Variants in CADPS2 observed in about 807,000 individuals in gnomAD.
CADPS2 encodes calcium dependent secretion activator 2.
In CADPS2, 93 loss-of-function variants were observed where a neutral mutation model predicts 172.5. The observed-to-expected ratio is 0.54, with a 90% CI of 0.46 to 0.64. The LOEUF (loss-of-function observed/expected upper bound fraction) is 0.64, where lower values mean the gene tolerates loss of function less well. Ranked by LOEUF, CADPS2 falls within the 30% of genes least tolerant of loss-of-function variation. The pLI is 0.00. For synonymous variants in CADPS2, 546 were observed against 555.2 expected (o/e 0.98, Z 0.23); for missense variants, 1,420 against 1,565.9 (o/e 0.91, Z 1.57).
intron 7 of CADPS2, among the ~76,000 whole-genome samples, chr7:122,565,662 C>T (rs1250444048): frequency 6.6e-6 from 1 of 152,170 alleles, no homozygotes; most frequent in Non-Finnish European, 1.5e-5. Flanking sequence ...TCTCATACCA[C>T]TGCTAAAGGC....
intron 14 of CADPS2, among the ~76,000 whole-genome samples, chr7:122,453,372 C>T (rs143886158): frequency 6.6e-4 from 101 of 152,066 alleles, no homozygotes; most frequent in African/African-American, 2.3e-3. Context: ...TCCCATTGAG[C>T]GAATGTTAAT....
Position 122,333,014 on chromosome 7 carries a change from T to G in CADPS2, c.3613-7433A>C, listed in dbSNP as rs1020869948. Among the ~76,000 whole-genome samples the G allele has an allele frequency of 5.9e-5, 9 of 152,200 alleles. No individual in the cohort carries two copies. In the East Asian group the frequency reaches 1.7e-3, roughly 29 times the overall value. ...TCTGCCCTCCCTTTCTTAGTGTCCT[T>G]GATGGGATGCATACTGGTTTGCCTA... On this transcript the variant is annotated intron_variant, in intron 28 of 29. Transcript: ENST00000449022.
chr7:122,663,328 A>G lies in CADPS2; in HGVS notation c.695T>C (p.Leu232Pro). 1 of 1,613,990 alleles carries G rather than the reference A, an allele frequency of 6.2e-7. No individual in the cohort carries two copies. The highest frequency in any genetic ancestry group is 8.5e-7 in the Non-Finnish European group (1 of 1,179,876). The change falls in exon 3 of 30, where the codon CTT becomes CCT. Residue 232 changes from leucine (L) to proline (P), a missense_variant. By Grantham distance (98) the Leu-to-Pro change is moderately conservative. Coordinates refer to ENST00000449022, the MANE Select transcript of CADPS2 (RefSeq NM_017954.11). ...NRMALSAVSELILSKEQLYEM... is the reference protein window; with the variant it reads ...NRMALSAVSEPILSKEQLYEM... ...ATAGAGTTGTTCCTTGCTCAGAATA[A>G]GTTCAGACACTGCACTTAGGGCCAT...
intron 6 of CADPS2, among the ~76,000 whole-genome samples, chr7:122,592,079 A>G (rs572034627): frequency 2.6e-5 from 4 of 152,292 alleles, no homozygotes; most frequent in African/African-American, 7.2e-5. Flanking sequence ...AATTTTTGCA[A>G]TCTACTCATC....
chr7:122,561,897 T>C (rs575745583), intron 7 of CADPS2, among the ~76,000 whole-genome samples: 23 of 152,224 alleles, frequency 1.5e-4, no homozygotes, highest in African/African-American at 4.6e-4. Context: ...GGTTGGATGA[T>C]TGGCTGGAAA....
At chr7:122,470,984 G>T (rs2055849887) in intron 14 of CADPS2, among the ~76,000 whole-genome samples, 1 of 152,098 alleles carries the variant, frequency 6.6e-6, no homozygotes, top group African/African-American at 2.4e-5. Flanking sequence ...TTCCACAGAG[G>T]AAAAGCAATG....
chr7:122,389,609 T>C (rs1196090383), intron 22 of CADPS2, among the ~76,000 whole-genome samples: 1 of 152,006 alleles, frequency 6.6e-6, no homozygotes, highest in African/African-American at 2.4e-5. Context: ...TGCAAGTACA[T>C]AGGCTAATAC....
chr7:122,777,961 A>C (rs2093936220), intron 1 of CADPS2, among the ~76,000 whole-genome samples: 1 of 152,186 alleles, frequency 6.6e-6, no homozygotes, highest in Admixed American at 6.5e-5. Context: ...ACTGGGTAAC[A>C]GGCAGAGGTT....
At chr7:122,811,728 A>C (rs1800065124) in intron 1 of CADPS2, among the ~76,000 whole-genome samples, 1 of 152,188 alleles carries the variant, frequency 6.6e-6, no homozygotes, top group African/African-American at 2.4e-5. Flanking sequence ...GGTGCATATT[A>C]GATAAAAGTA....
At position 122,492,679 on chromosome 7, in the gene CADPS2, T is replaced by C. The variant is rs1364963574; in HGVS notation, c.1543-1259A>G. On this transcript the variant is annotated intron_variant, in intron 9 of 29. Transcript: ENST00000449022. ...CCTGCAACACAGGGTCCATGGAAGA[T>C]AGTTTGGTTAGTGTATTTTTTTTCT... 3.3e-5 allele frequency among the ~76,000 whole-genome samples: 5 copies of C among 151,998 alleles called. No homozygotes were observed. The East Asian group carries it at 7.7e-4, about 23-fold the overall frequency.
At chr7:122,656,186 C>T (rs930917454) in intron 3 of CADPS2, among the ~76,000 whole-genome samples, 2 of 152,112 alleles carry the variant, frequency 1.3e-5, no homozygotes, top group African/African-American at 2.4e-5. Context: ...AAGAGGCTCC[C>T]AAACTTTGCT....
chr7:122,319,901 A>C lies in CADPS2; in HGVS notation c.*264T>G. On this transcript the variant is annotated 3_prime_UTR_variant, in exon 30 of 30. Transcript: ENST00000449022. ...CATGTTCTGATCACAAGCAGAGCCAAGGTTCATTTTTAGGTCAAACTACAC... is the reference window on the plus strand; with the variant it reads ...CATGTTCTGATCACAAGCAGAGCCACGGTTCATTTTTAGGTCAAACTACAC... 2.9e-6 allele frequency: 1 copy of C among 344,094 alleles called. No individual in the cohort carries two copies. The highest frequency in any genetic ancestry group is 7.7e-4 in the Middle Eastern group (1 of 1,296). The allele number at this position is 344,094 out of a possible 1,614,324, so 21.3% of individuals were successfully genotyped here. A position where few individuals can be genotyped will look rare whatever the true frequency, so the allele number is the denominator to read the frequency against.
intron 3 of CADPS2, among the ~76,000 whole-genome samples, chr7:122,648,830 C>T (rs186408687): frequency 7.4e-4 from 112 of 152,214 alleles, no homozygotes; most frequent in African/African-American, 2.6e-3. Context: ...AGCCTAAGAA[C>T]TTCATAGGCA....
chr7:122,620,034 G>A (rs2075404070), intron 5 of CADPS2, among the ~76,000 whole-genome samples: 1 of 152,146 alleles, frequency 6.6e-6, no homozygotes, highest in Non-Finnish European at 1.5e-5. Flanking sequence ...ATTTATCTCA[G>A]AGTTAAATAT....
At chr7:122,611,507 A>G (rs933328509) in intron 6 of CADPS2, among the ~76,000 whole-genome samples, 2 of 152,118 alleles carry the variant, frequency 1.3e-5, no homozygotes, top group African/African-American at 4.8e-5. Context: ...TTACTTTTGC[A>G]CCAACATAAC....
intron 20 of CADPS2, among the ~76,000 whole-genome samples, chr7:122,396,286 T>TTTTA (rs1466700550): frequency 2.6e-5 from 4 of 152,146 alleles, no homozygotes; most frequent in Non-Finnish European, 5.9e-5. Context: ...GACTGGTGTA[T>TTTTA]TTTATATCCT....
At chr7:122,718,805 G>A (rs1284404042) in intron 2 of CADPS2, among the ~76,000 whole-genome samples, 1 of 152,046 alleles carries the variant, frequency 6.6e-6, no homozygotes, top group Non-Finnish European at 1.5e-5. Flanking sequence ...ATCATAAGCT[G>A]GTATGGGATA....
chr7:122,669,506 A>T (rs1324128368), intron 2 of CADPS2, among the ~76,000 whole-genome samples: 1 of 152,004 alleles, frequency 6.6e-6, no homozygotes, highest in Admixed American at 6.6e-5. Context: ...ATATCCAGTA[A>T]CTGGAAGTCT....
chr7:122,560,633 G>A (rs2065634058), intron 7 of CADPS2, among the ~76,000 whole-genome samples: 1 of 152,150 alleles, frequency 6.6e-6, no homozygotes, highest in Non-Finnish European at 1.5e-5. Context: ...GTGTCCTTGA[G>A]ACAAAGGATA....
Sources: gnomAD v4.1 joint callset for allele counts (sites outside exome capture counted in the v4.1 genomes callset) on GRCh38, gnomAD v4.1.1 for gene constraint, MANE v1.5 for transcripts, NCBI Gene and HGNC (gene_info 2026-07-23, HGNC 2026-07-21) for gene names.